The following CHIC1 variants were observed in gnomAD, a reference collection of about 807,000 sequenced individuals.
The protein encoded by CHIC1 is cysteine rich hydrophobic domain 1, also known as cysteine-rich hydrophobic domain-containing protein 1.
Under a neutral mutation model 18.5 loss-of-function variants are expected in CHIC1, and 7 were observed. The ratio of observed to expected loss-of-function variants is 0.38; its 90% CI spans 0.22 to 0.71. The LOEUF (loss-of-function observed/expected upper bound fraction) is 0.71, where lower values mean the gene tolerates loss of function less well. Among genes scored for constraint, CHIC1 ranks in the 30% least tolerant of loss-of-function variants. The probability of loss-of-function intolerance (pLI) is 0.49; values close to 1 mark genes in which losing one functional copy is unlikely to be tolerated. For missense variants in CHIC1, 159 were observed against 176.9 expected, an observed-to-expected ratio of 0.90 and a Z score of 0.57; for synonymous variants, 77 against 73.5, an observed-to-expected ratio of 1.05 and a Z score of -0.25.
intron 3 of CHIC1, among the ~76,000 whole-genome samples, chrX:73,673,298 A>T: frequency 9.0e-6 from 1 of 111,573 alleles, no homozygotes; most frequent in Non-Finnish European, 1.9e-5. Flanking sequence ...GTCCTTGGTA[A>T]CTTGATGGGG....
chrX:73,683,068 C>T lies in CHIC1; in HGVS notation c.*2063C>T, dbSNP rs974273072. ...ATGATGGTCATAGGAACTTTTTCTG[C>T]CATGTATAAATCACACTTGGTTTTG... On this transcript the variant is annotated 3_prime_UTR_variant, in exon 6 of 6. Coordinates refer to ENST00000373502, the MANE Select transcript of CHIC1 (RefSeq NM_001039840.4). The T allele has an allele frequency of 2.7e-5, 3 of 110,647 alleles. No individual in the cohort carries two copies. Among genetic ancestry groups the T allele is most frequent in the African/African-American group, 9.8e-5 (3 of 30,518 alleles). The allele number at this position is 110,647 out of a possible 1,213,427, so 9.1% of individuals were successfully genotyped here.
intron 3 of CHIC1, among the ~76,000 whole-genome samples, chrX:73,635,054 G>A (rs766558747): frequency 1.8e-4 from 20 of 110,842 alleles, no homozygotes; most frequent in Middle Eastern, 4.6e-3. Context: ...ATCTGTAGGG[G>A]AATGAAAGCT....
intron 3 of CHIC1, among the ~76,000 whole-genome samples, chrX:73,602,698 G>A (rs1198658500): frequency 1.8e-5 from 2 of 108,632 alleles, no homozygotes; most frequent in Non-Finnish European, 3.8e-5. Context: ...TGTACAAGGT[G>A]TAAGGAAGGG....
At chrX:73,670,179 TGTCACTCCCAG>T (rs1295754131) in intron 3 of CHIC1, among the ~76,000 whole-genome samples, 4 of 111,004 alleles carry the variant, frequency 3.6e-5, no homozygotes, top group Non-Finnish European at 5.7e-5. Flanking sequence ...CTTGGCTCCA[TGTCACTCCCAG>T]GTGGGCCATT....
At chrX:73,619,100 T>TTC (rs1306619872) in intron 3 of CHIC1, among the ~76,000 whole-genome samples, 1 of 112,124 alleles carries the variant, frequency 8.9e-6, no homozygotes, top group Non-Finnish European at 1.9e-5. Flanking sequence ...TGTTCAGGGG[T>TTC]AAGATGATCC....
In CHIC1 at chrX:73,563,275, A is replaced by G. The variant is rs932126867; in HGVS notation, c.-10A>G. The G allele has an allele frequency of 4.6e-6, 5 of 1,090,523 alleles. No individual in the cohort carries two copies. In the African/African-American group the frequency reaches 9.6e-5, roughly 21 times the overall value. The allele number at this position is 1,090,523 out of a possible 1,213,427, so 89.9% of individuals were successfully genotyped here. ...CTCCGGGAGCGTGGCGGCGATCGCG[A>G]GGTCACGTGATGAGCATCCTGCTGC... On this transcript the variant is annotated 5_prime_UTR_variant, in exon 1 of 6. Coordinates refer to ENST00000373502, the MANE Select transcript of CHIC1 (RefSeq NM_001039840.4).
intron 1 of CHIC1, among the ~76,000 whole-genome samples, chrX:73,573,131 G>A (rs1486984548): frequency 6.3e-5 from 7 of 111,413 alleles, no homozygotes; most frequent in African/African-American, 2.3e-4. Flanking sequence ...TATCATGACA[G>A]GTAGTGTTCC....
At chrX:73,661,090 A>G (rs2057977810) in intron 3 of CHIC1, among the ~76,000 whole-genome samples, 1 of 111,116 alleles carries the variant, frequency 9.0e-6, no homozygotes. Flanking sequence ...ATGCTTGTGG[A>G]ATGTTGGATG....
chrX:73,654,321 A>T (rs889185007), intron 3 of CHIC1, among the ~76,000 whole-genome samples: 13 of 111,990 alleles, frequency 1.2e-4, no homozygotes, highest in African/African-American at 3.6e-4. Flanking sequence ...TATTCTGTTG[A>T]TATGGTTTAT....
At chrX:73,646,779 T>G (rs2057891390) in intron 3 of CHIC1, among the ~76,000 whole-genome samples, 1 of 112,209 alleles carries the variant, frequency 8.9e-6, no homozygotes, top group Admixed American at 9.4e-5. Flanking sequence ...CAGAGACAAT[T>G]TCACTTCTGT....
intron 3 of CHIC1, among the ~76,000 whole-genome samples, chrX:73,648,687 G>C (rs1159194281): frequency 9.0e-6 from 1 of 110,856 alleles, no homozygotes; most frequent in Non-Finnish European, 1.9e-5. Flanking sequence ...GAAAAGGAAC[G>C]AACAAAGCCT....
intron 3 of CHIC1, among the ~76,000 whole-genome samples, chrX:73,662,038 TAATAAAAAAATAAATAAA>T (rs1463173364): frequency 2.0e-5 from 2 of 102,165 alleles, no homozygotes; most frequent in Non-Finnish European, 4.0e-5. Context: ...TAAAGTATAA[TAATAAAAAAATAAATAAA>T]AATAAATAAA....
intron 5 of CHIC1, among the ~76,000 whole-genome samples, chrX:73,680,027 T>C (rs1346639551): frequency 9.0e-6 from 1 of 110,805 alleles, no homozygotes; most frequent in Non-Finnish European, 1.9e-5. Flanking sequence ...AACAAATATT[T>C]CTAAATGTAA....
chrX:73,630,134 A>C (rs1421552940), intron 3 of CHIC1, among the ~76,000 whole-genome samples: 1 of 112,041 alleles, frequency 8.9e-6, no homozygotes, highest in Admixed American at 9.4e-5. Context: ...TTCATTTTAC[A>C]GTGCTAACAA....
intron 3 of CHIC1, among the ~76,000 whole-genome samples, chrX:73,665,549 G>C (rs969587393): frequency 1.8e-4 from 20 of 111,377 alleles, no homozygotes; most frequent in African/African-American, 5.9e-4. Context: ...TTGCTGTTGA[G>C]CTGATAACTG....
intron 3 of CHIC1, among the ~76,000 whole-genome samples, chrX:73,673,067 C>T (rs182542566): frequency 6.0e-4 from 67 of 111,136 alleles, no homozygotes; most frequent in East Asian, 5.7e-3. Flanking sequence ...TGGAGATGTG[C>T]GGCATTATTT....
chrX:73,573,025 A>G (rs1804624874), intron 1 of CHIC1, among the ~76,000 whole-genome samples: 2 of 111,381 alleles, frequency 1.8e-5, no homozygotes, highest in South Asian at 3.7e-4. Flanking sequence ...GCCAAGGCCA[A>G]TGTTGAGAAG....
At chrX:73,607,698 T>C (rs1213571072) in intron 3 of CHIC1, among the ~76,000 whole-genome samples, 2 of 108,442 alleles carry the variant, frequency 1.8e-5, no homozygotes, top group Non-Finnish European at 3.8e-5. Context: ...GCATTGTTCC[T>C]CACTCACGGC....
chrX:73,677,616 G>A (rs937135968), intron 3 of CHIC1, among the ~76,000 whole-genome samples: 20 of 111,893 alleles, frequency 1.8e-4, no homozygotes, highest in African/African-American at 6.5e-4. Flanking sequence ...GGAGTGACCC[G>A]ATTTTCCAGG....
Sources: allele counts gnomAD v4.1 joint callset (sites outside exome capture counted in the v4.1 genomes callset), GRCh38; gene constraint gnomAD v4.1.1; transcripts MANE v1.5; gene names NCBI Gene and HGNC (gene_info 2026-07-23, HGNC 2026-07-21).